SRGAP3: variants seen among roughly 807,000 people sequenced by gnomAD.
The protein encoded by SRGAP3 is SLIT-ROBO Rho GTPase-activating protein 3.
SRGAP3 carries 39 observed loss-of-function variants against 121.1 expected under a neutral mutation model. The ratio of observed to expected loss-of-function variants is 0.32; its 90% CI spans 0.25 to 0.42. SRGAP3 has a LOEUF of 0.42. Ranked by LOEUF, SRGAP3 falls within the 10% of genes least tolerant of loss-of-function variation. The pLI, the probability that SRGAP3 is intolerant of heterozygous loss-of-function variation, is 1.00. For missense variants in SRGAP3, 1,213 were observed against 1,470.6 expected, an observed-to-expected ratio of 0.82 and a Z score of 2.86; for synonymous variants, 601 against 570.0, an observed-to-expected ratio of 1.05 and a Z score of -0.77.
chr3:9,359,707 G>T (rs771648032), intron 1 of SRGAP3, among the ~76,000 whole-genome samples: 1 of 152,186 alleles, frequency 6.6e-6, no homozygotes, highest in Non-Finnish European at 1.5e-5. Flanking sequence ...CAGAGAAAGA[G>T]ATTCTGTTTA....
chr3:9,321,447 T>A (rs1955437249), intron 3 of SRGAP3, among the ~76,000 whole-genome samples: 1 of 151,922 alleles, frequency 6.6e-6, no homozygotes, highest in Non-Finnish European at 1.5e-5. Flanking sequence ...TTAGCTCAAG[T>A]GCTAACTCTG....
chr3:9,024,173 G>A (rs12493493), intron 14 of SRGAP3, among the ~76,000 whole-genome samples: 30,952 of 152,108 alleles, frequency 0.2, 3,381 homozygotes, highest in Non-Finnish European at 0.25. Context: ...AAGTAAAGGG[G>A]TATGGGGTTG....
intron 2 of SRGAP3, among the ~76,000 whole-genome samples, chr3:9,121,331 C>T (rs922217678): frequency 2.6e-5 from 4 of 152,192 alleles, no homozygotes; most frequent in African/African-American, 4.8e-5. Flanking sequence ...ATCTTTACGA[C>T]GGTGAGACAA....
chr3:9,281,258 G>A (rs925830266), intron 3 of SRGAP3, among the ~76,000 whole-genome samples: 4 of 152,192 alleles, frequency 2.6e-5, no homozygotes, highest in African/African-American at 9.7e-5. Flanking sequence ...GGAGCTTCCT[G>A]AAGGCAAGGG....
At chr3:9,131,163 G>A (rs1419448601) in intron 1 of SRGAP3, among the ~76,000 whole-genome samples, 2 of 152,210 alleles carry the variant, frequency 1.3e-5, no homozygotes, top group Non-Finnish European at 2.9e-5. Context: ...ATTTCAAAGA[G>A]AGAAAAATAA....
intron 1 of SRGAP3, among the ~76,000 whole-genome samples, chr3:9,164,066 C>G (rs1286285723): frequency 8.1e-6 from 1 of 122,952 alleles, no homozygotes; most frequent in Non-Finnish European, 1.6e-5. Flanking sequence ...GGCGCAATTT[C>G]GGCTCACTGC....
chr3:9,346,352 G>A (rs10212343), intron 1 of SRGAP3, among the ~76,000 whole-genome samples: 233 of 152,122 alleles, frequency 1.5e-3, no homozygotes, highest in African/African-American at 4.9e-3. Context: ...CAAGTGTTCC[G>A]CCATCTCAGC....
chr3:9,152,355 C>T (rs113420547), intron 1 of SRGAP3, among the ~76,000 whole-genome samples: 2,977 of 152,316 alleles, frequency 0.02, 91 homozygotes, highest in African/African-American at 0.067. Flanking sequence ...GAGAGGGTGT[C>T]CACTCATAGG....
intron 2 of SRGAP3, among the ~76,000 whole-genome samples, chr3:9,116,645 T>C (rs1431253472): frequency 1.3e-5 from 2 of 152,148 alleles, no homozygotes; most frequent in African/African-American, 2.4e-5. Context: ...AGCAAACCCC[T>C]GATGCTCATC....
chr3:8,986,802 TTA>T (rs1205561967), intron 21 of SRGAP3, among the ~76,000 whole-genome samples: 1 of 152,174 alleles, frequency 6.6e-6, no homozygotes, highest in African/African-American at 2.4e-5. Flanking sequence ...CCCGAGGATG[TTA>T]TAATATCTGA....
chr3:9,248,521 T>C (rs944722485), intron 1 of SRGAP3, among the ~76,000 whole-genome samples: 1 of 152,130 alleles, frequency 6.6e-6, no homozygotes, highest in Non-Finnish European at 1.5e-5. Context: ...ATTAAAGGGC[T>C]TTTACCATGG....
At chr3:9,303,600 T>C (rs1438736865) in intron 3 of SRGAP3, among the ~76,000 whole-genome samples, 3 of 152,320 alleles carry the variant, frequency 2.0e-5, no homozygotes, top group Admixed American at 6.5e-5. Flanking sequence ...TTTGAGTGTT[T>C]GTGATGTGAT....
At chr3:9,242,357 C>A (rs1953675311) in intron 1 of SRGAP3, among the ~76,000 whole-genome samples, 1 of 152,198 alleles carries the variant, frequency 6.6e-6, no homozygotes, top group Non-Finnish European at 1.5e-5. Context: ...AAAGCTGAAG[C>A]CGCACAGCGG....
intron 1 of SRGAP3, among the ~76,000 whole-genome samples, chr3:9,134,880 C>T (rs554440612): frequency 1.2e-4 from 18 of 152,256 alleles, no homozygotes; most frequent in Non-Finnish European, 2.4e-4. Flanking sequence ...TTCACCTGCC[C>T]GGTGGTTCAA....
chr3:9,175,976 C>A (rs937391730), intron 1 of SRGAP3, among the ~76,000 whole-genome samples: 1 of 152,122 alleles, frequency 6.6e-6, no homozygotes, highest in Non-Finnish European at 1.5e-5. Flanking sequence ...GGCTGGAGTG[C>A]GATGGCGCAG....
intron 1 of SRGAP3, among the ~76,000 whole-genome samples, chr3:9,178,783 C>T (rs1416747200): frequency 2.0e-5 from 3 of 152,162 alleles, no homozygotes; most frequent in African/African-American, 4.8e-5. Context: ...CTCTTCTAAC[C>T]TCAAGGCCCC....
chr3:9,287,008 T>TTC (rs1303049716), intron 3 of SRGAP3, among the ~76,000 whole-genome samples: 9 of 146,770 alleles, frequency 6.1e-5, no homozygotes, highest in Non-Finnish European at 1.0e-4. Flanking sequence ...TTTTTTTTTT[T>TTC]TGGGACAGGG....
Position 9,221,488 on chromosome 3 carries a change from G to A in SRGAP3, c.67+27397C>T, listed in dbSNP as rs183769529. Among the ~76,000 whole-genome samples the A allele has an allele frequency of 2.8e-3, 426 of 152,296 alleles. 1 individual carries two copies. The highest frequency in any genetic ancestry group is 3.4e-3 in the Middle Eastern group (1 of 294). On this transcript the variant is annotated intron_variant, in intron 1 of 21. Transcript: ENST00000383836. ...GGAGTTCAAGACTGCAGTGAGCTAT[G>A]AGGGCACCACCATACTCCAGCCTGG...
At chr3:9,358,063 C>T (rs999815048) in intron 1 of SRGAP3, among the ~76,000 whole-genome samples, 3 of 151,964 alleles carry the variant, frequency 2.0e-5, no homozygotes, top group African/African-American at 2.4e-5. Context: ...TTAGTAGAGA[C>T]GGGCTTTCAC....
Sources: gnomAD v4.1 joint callset for allele counts (sites outside exome capture counted in the v4.1 genomes callset) on GRCh38, gnomAD v4.1.1 for gene constraint, MANE v1.5 for transcripts, NCBI Gene and HGNC (gene_info 2026-07-23, HGNC 2026-07-21) for gene names.